Variants in TENM2 observed in about 807,000 individuals in gnomAD.
TENM2 encodes the protein teneurin-2.
In TENM2, 52 loss-of-function variants were observed where a neutral mutation model predicts 245.2. That is an observed-to-expected ratio of 0.21 (90% CI 0.17 to 0.27). The LOEUF (loss-of-function observed/expected upper bound fraction) is 0.27, where lower values mean the gene tolerates loss of function less well. TENM2 is among the 10% of genes least tolerant of loss of function. The pLI, the probability that TENM2 is intolerant of heterozygous loss-of-function variation, is 1.00. For missense variants in TENM2, 3,046 were observed against 3,666.8 expected (o/e 0.83, Z 4.37); for synonymous variants, 1,363 against 1,438.9 (o/e 0.95, Z 1.19).
chr5:168,174,698 G>T (rs1350364287), intron 13 of TENM2, among the ~76,000 whole-genome samples: 39 of 152,246 alleles, frequency 2.6e-4, no homozygotes, highest in Non-Finnish European at 2.9e-5. Flanking sequence ...GTCAGCCCTG[G>T]GCCAGCTGAT....
At chr5:168,075,569 C>T (rs1005169666) in intron 7 of TENM2, among the ~76,000 whole-genome samples, 1 of 152,194 alleles carries the variant, frequency 6.6e-6, no homozygotes, top group Admixed American at 6.5e-5. Flanking sequence ...GATCTGCTTT[C>T]TGTCACTGGA....
chr5:168,221,503 C>G (rs1468103766), intron 23 of TENM2, among the ~76,000 whole-genome samples: 1 of 152,154 alleles, frequency 6.6e-6, no homozygotes, highest in Admixed American at 6.5e-5. Flanking sequence ...ATTTGTAACT[C>G]CACCTTCAGA....
At chr5:166,996,295 A>G in the TENM2 span, among the ~76,000 whole-genome samples, 1 of 152,040 alleles carries the variant, frequency 6.6e-6, no homozygotes, top group Non-Finnish European at 1.5e-5. Flanking sequence ...GTGAGTGGAG[A>G]TCGCGCCACT....
At position 167,831,452 on chromosome 5, in the gene TENM2, G is replaced by A. The variant is rs186059675; in HGVS notation, c.503-44534G>A. 3.3e-3 allele frequency among the ~76,000 whole-genome samples: 488 copies of A among 146,476 alleles called. 4 individuals carry two copies. Among genetic ancestry groups the A allele is most frequent in the Non-Finnish European group, 6.1e-3 (411 of 66,936 alleles). On this transcript the variant is annotated intron_variant, in intron 2 of 28. Coordinates refer to ENST00000518659, the Ensembl canonical transcript of TENM2. ...TGCCAGGAAAGAAGACGACCACCAA[G>A]CAAGCCTAAATCAGCTGCAAAAGAG... is the stretch of plus-strand genomic sequence containing the variant.
In TENM2 at chr5:168,090,218, CCACACACACACACACACA is replaced by C. The variant is rs3083413; in HGVS notation, c.1516-328_1516-311del. On this transcript the variant is annotated intron_variant, in intron 7 of 28. Coordinates refer to ENST00000518659, the Ensembl canonical transcript of TENM2. ...GCAACAGCATATACCACTCCCCCCACCACACACACACACACACACACACACACACACACACACACACAC... is the reference window on the plus strand; with the variant it reads ...GCAACAGCATATACCACTCCCCCCACCACACACACACACACACACACACAC... 4.3e-3 allele frequency among the ~76,000 whole-genome samples: 583 copies of C among 136,794 alleles called. 1 individual carries two copies. Among genetic ancestry groups the C allele is most frequent in the Admixed American group, 7.0e-3 (95 of 13,612 alleles). The allele number at this position is 136,794 out of a possible 152,430, so 89.7% of individuals were successfully genotyped here.
At chr5:167,884,043 A>C (rs2151426436) in intron 3 of TENM2, among the ~76,000 whole-genome samples, 1 of 152,336 alleles carries the variant, frequency 6.6e-6, no homozygotes, top group South Asian at 2.1e-4. Context: ...TAACACTATA[A>C]TCTTGAGCAA....
chr5:167,703,479 C>T (rs1758299631), intron 2 of TENM2, among the ~76,000 whole-genome samples: 1 of 142,988 alleles, frequency 7.0e-6, no homozygotes. Context: ...TTGCAGTGAG[C>T]CAAGATCGCA....
At chr5:167,127,539 G>A in the TENM2 span, among the ~76,000 whole-genome samples, 1 of 148,518 alleles carries the variant, frequency 6.7e-6, no homozygotes, top group Non-Finnish European at 1.5e-5. Flanking sequence ...TTAACATCGT[G>A]ACCCTACAAG....
chr5:168,239,779 C>T (rs1356552434), intron 25 of TENM2, among the ~76,000 whole-genome samples: 1 of 152,146 alleles, frequency 6.6e-6, no homozygotes, highest in Non-Finnish European at 1.5e-5. Flanking sequence ...ATATGTACAT[C>T]TATACACACA....
At chr5:167,143,677 T>C in the TENM2 span, among the ~76,000 whole-genome samples, 1 of 152,166 alleles carries the variant, frequency 6.6e-6, no homozygotes, top group Admixed American at 6.6e-5. Context: ...TTGCAAATAG[T>C]TTTTAGAACA....
intron 3 of TENM2, among the ~76,000 whole-genome samples, chr5:167,892,494 C>T (rs1489538535): frequency 1.3e-5 from 2 of 152,152 alleles, no homozygotes; most frequent in East Asian, 1.9e-4. Flanking sequence ...AGGTGTATAG[C>T]AAAGCATAGA....
chr5:168,119,338 A>T (rs918978209), intron 10 of TENM2, among the ~76,000 whole-genome samples: 1 of 152,216 alleles, frequency 6.6e-6, no homozygotes, highest in Non-Finnish European at 1.5e-5. Context: ...GGGACATAGA[A>T]GAGGGGATAC....
In TENM2 at chr5:167,656,957, T is replaced by TTG. The variant is rs200325253; in HGVS notation, c.503-219029_503-219028insTG. On this transcript the variant is annotated intron_variant, in intron 2 of 28. Coordinates refer to ENST00000518659, the Ensembl canonical transcript of TENM2. ...CAAAGATTTATCTTTTTTTTTTTTT[T>TTG]GCATTGGAAACATTCAAAATCTTCC... is the stretch of plus-strand genomic sequence containing the variant. Among the ~76,000 whole-genome samples the TTG allele has an allele frequency of 2.0e-5, 3 of 151,566 alleles. No homozygotes were observed. The South Asian group carries it at 6.2e-4, about 32-fold the overall frequency.
chr5:167,001,010 C>A, the TENM2 span, among the ~76,000 whole-genome samples: 1 of 151,790 alleles, frequency 6.6e-6, no homozygotes, highest in African/African-American at 2.4e-5. Context: ...TTAGCCAATG[C>A]ATTGGCTGAT....
intron 3 of TENM2, among the ~76,000 whole-genome samples, chr5:167,913,144 G>C (rs1162281101): frequency 6.6e-6 from 1 of 152,178 alleles, no homozygotes; most frequent in Non-Finnish European, 1.5e-5. Context: ...GCTCACCCAA[G>C]CTCCCTGGCC....
the TENM2 span, among the ~76,000 whole-genome samples, chr5:167,058,888 G>C: frequency 6.6e-6 from 1 of 152,118 alleles, no homozygotes; most frequent in Non-Finnish European, 1.5e-5. Flanking sequence ...GAGGTGACTG[G>C]GTGAGCTTCA....
chr5:167,387,750 GT>G (rs1761526947), intron 2 of TENM2, among the ~76,000 whole-genome samples: 1 of 152,092 alleles, frequency 6.6e-6, no homozygotes, highest in Non-Finnish European at 1.5e-5. Flanking sequence ...TTTTTCGAAT[GT>G]TTTTTCTGCA....
At chr5:167,117,737 T>C in the TENM2 span, among the ~76,000 whole-genome samples, 6 of 152,262 alleles carry the variant, frequency 3.9e-5, no homozygotes, top group Middle Eastern at 6.8e-3. Context: ...CAGGTAATTC[T>C]TTGTTGTGGG....
the TENM2 span, among the ~76,000 whole-genome samples, chr5:167,108,799 A>G: frequency 6.6e-6 from 1 of 152,242 alleles, no homozygotes; most frequent in Non-Finnish European, 1.5e-5. Flanking sequence ...TACTCATGAT[A>G]ATGGGATTCT....
Sources: gnomAD v4.1 joint callset for allele counts (sites outside exome capture counted in the v4.1 genomes callset) on GRCh38, gnomAD v4.1.1 for gene constraint, MANE v1.5 for transcripts, NCBI Gene and HGNC (gene_info 2026-07-23, HGNC 2026-07-21) for gene names.